FBXW7: variants seen among roughly 807,000 people sequenced by gnomAD.
The protein encoded by FBXW7 is F-box/WD repeat-containing protein 7.
FBXW7 carries 11 observed loss-of-function variants against 86.3 expected under a neutral mutation model. That is an observed-to-expected ratio of 0.13 (90% CI 0.08 to 0.21). The LOEUF is 0.21. FBXW7 is among the 10% of genes least tolerant of loss of function. The probability of loss-of-function intolerance (pLI) is 1.00; values close to 1 mark genes in which losing one functional copy is unlikely to be tolerated. For missense variants in FBXW7, 488 were observed against 847.4 expected (o/e 0.58, Z 5.27); for synonymous variants, 313 against 297.9 (o/e 1.05, Z -0.52).
At chr4:152,430,704 A>AT (rs1242799535) in intron 2 of FBXW7, among the ~76,000 whole-genome samples, 1 of 152,162 alleles carries the variant, frequency 6.6e-6, no homozygotes, top group Non-Finnish European at 1.5e-5. Flanking sequence ...TAAGAACATT[A>AT]GAGGGAAGAA....
At chr4:152,515,910 T>A (rs929354144) in intron 2 of FBXW7, among the ~76,000 whole-genome samples, 1 of 152,196 alleles carries the variant, frequency 6.6e-6, no homozygotes, top group African/African-American at 2.4e-5. Flanking sequence ...ACATAATAAC[T>A]TGGCCACATG....
intron 2 of FBXW7, among the ~76,000 whole-genome samples, chr4:152,513,127 G>A (rs1485504705): frequency 1.3e-5 from 2 of 152,272 alleles, no homozygotes; most frequent in South Asian, 2.1e-4. Flanking sequence ...CTCCCAAACT[G>A]GGATTACAGG....
At chr4:152,527,007 T>C (rs1749576440) in intron 2 of FBXW7, among the ~76,000 whole-genome samples, 1 of 152,244 alleles carries the variant, frequency 6.6e-6, no homozygotes, top group African/African-American at 2.4e-5. Context: ...AAGGCCTGAT[T>C]TAAATCTTCT....
chr4:152,478,785 T>C (rs572864130), intron 2 of FBXW7, among the ~76,000 whole-genome samples: 1 of 152,288 alleles, frequency 6.6e-6, no homozygotes, highest in East Asian at 1.9e-4. Context: ...GGTTTTGATT[T>C]GCATTTCTCT....
intron 2 of FBXW7, among the ~76,000 whole-genome samples, chr4:152,472,721 T>C (rs1403713107): frequency 1.3e-5 from 2 of 152,316 alleles, no homozygotes; most frequent in East Asian, 1.9e-4. Flanking sequence ...GTGTTCATTT[T>C]GTAAAGTTCA....
At chr4:152,450,000 G>A (rs1393153833) in intron 2 of FBXW7, among the ~76,000 whole-genome samples, 2 of 152,128 alleles carry the variant, frequency 1.3e-5, no homozygotes, top group Non-Finnish European at 2.9e-5. Flanking sequence ...ATTAAAATAC[G>A]TATTTTAAAA....
intron 2 of FBXW7, among the ~76,000 whole-genome samples, chr4:152,506,374 G>A (rs543447826): frequency 6.6e-6 from 1 of 152,154 alleles, no homozygotes; most frequent in East Asian, 1.9e-4. Flanking sequence ...CTTGTGATCT[G>A]CCCGCCTCAG....
intron 2 of FBXW7, among the ~76,000 whole-genome samples, chr4:152,523,880 T>G (rs550730852): frequency 6.6e-6 from 1 of 152,310 alleles, no homozygotes; most frequent in East Asian, 1.9e-4. Context: ...GATTTTTGTT[T>G]TGCTTATTTA....
At chr4:152,428,350 C>T (rs932998589) in intron 2 of FBXW7, among the ~76,000 whole-genome samples, 1 of 151,966 alleles carries the variant, frequency 6.6e-6, no homozygotes, top group Non-Finnish European at 1.5e-5. Context: ...AAAATTCAAC[C>T]GGGAGCTTTT....
chr4:152,447,008 A>T (rs1000252667), intron 2 of FBXW7, among the ~76,000 whole-genome samples: 1 of 152,192 alleles, frequency 6.6e-6, no homozygotes, highest in Admixed American at 6.5e-5. Flanking sequence ...CTAGTGTTTA[A>T]ATTATTTTCA....
At chr4:152,398,972 A>AAT (rs1004327082) in intron 4 of FBXW7, among the ~76,000 whole-genome samples, 44 of 152,138 alleles carry the variant, frequency 2.9e-4, no homozygotes, top group African/African-American at 8.7e-4. Context: ...TTATGTTTAA[A>AAT]ATATATATAT....
chr4:152,410,879 T>C (rs1737883267), intron 4 of FBXW7, among the ~76,000 whole-genome samples: 1 of 152,164 alleles, frequency 6.6e-6, no homozygotes, highest in Non-Finnish European at 1.5e-5. Context: ...AGGCAACTTC[T>C]GAGTAATTTA....
At chr4:152,404,610 T>C (rs1020457706) in intron 4 of FBXW7, among the ~76,000 whole-genome samples, 2 of 152,246 alleles carry the variant, frequency 1.3e-5, no homozygotes, top group African/African-American at 2.4e-5. Context: ...TGATGTTTAA[T>C]GGCTGTATGA....
chr4:152,412,740 T>TTA (rs1560866248), intron 2 of FBXW7: 1 of 152,062 alleles, frequency 6.6e-6, no homozygotes, highest in Non-Finnish European at 1.5e-5. Flanking sequence ...TTATAATATA[T>TTA]TATGCTAAGG....
At chr4:152,497,221 G>C (rs1428172224) in intron 2 of FBXW7, among the ~76,000 whole-genome samples, 1 of 150,780 alleles carries the variant, frequency 6.6e-6, no homozygotes, top group African/African-American at 2.4e-5. Context: ...TACTCAGGAG[G>C]CTGAGACAGG....
chr4:152,322,840 A>G lies in FBXW7; in HGVS notation c.*41T>C, dbSNP rs895688945. On this transcript the variant is annotated 3_prime_UTR_variant, in exon 14 of 14. Coordinates refer to ENST00000281708, the MANE Select transcript of FBXW7 (RefSeq NM_001349798.2). ...TTTTGCAGGGGGAAGGGCAGGGAGT[A>G]TATCGTCTACACAATTGGACAAATT... 2 of 1,608,192 alleles carry G rather than the reference A, an allele frequency of 1.2e-6. No homozygotes were observed. Among genetic ancestry groups the G allele is most frequent in the South Asian group, 2.2e-5 (2 of 90,798 alleles).
chr4:152,462,556 T>A (rs79233345), intron 2 of FBXW7, among the ~76,000 whole-genome samples: 2 of 152,204 alleles, frequency 1.3e-5, no homozygotes, highest in East Asian at 3.8e-4. Context: ...TACCCGTAAC[T>A]TCTTTCCTAT....
At chr4:152,533,892 T>C (rs1472553105) in intron 2 of FBXW7, among the ~76,000 whole-genome samples, 1 of 152,204 alleles carries the variant, frequency 6.6e-6, no homozygotes, top group Non-Finnish European at 1.5e-5. Context: ...AGGCTTACAT[T>C]CATTCCCACA....
chr4:152,361,107 G>T (rs1481833416), intron 4 of FBXW7, among the ~76,000 whole-genome samples: 1 of 151,864 alleles, frequency 6.6e-6, no homozygotes, highest in Admixed American at 6.6e-5. Flanking sequence ...TTGGTGCTAG[G>T]CCAGTGAGAA....
Sources: gnomAD v4.1 joint callset for allele counts (sites outside exome capture counted in the v4.1 genomes callset) on GRCh38, gnomAD v4.1.1 for gene constraint, MANE v1.5 for transcripts, NCBI Gene and HGNC (gene_info 2026-07-23, HGNC 2026-07-21) for gene names.